DCTD: variants seen among roughly 807,000 people sequenced by gnomAD.
DCTD encodes the protein dCMP deaminase.
In DCTD, 23 loss-of-function variants were observed where a neutral mutation model predicts 21.0. The ratio of observed to expected loss-of-function variants is 1.09; its 90% CI spans 0.79 to 1.55. The LOEUF (loss-of-function observed/expected upper bound fraction) is 1.55. DCTD is among the 40% of genes most tolerant of loss of function. The pLI is 0.00. For missense variants in DCTD, 224 were observed against 230.0 expected (o/e 0.97, Z 0.17); for synonymous variants, 71 against 81.1 (o/e 0.88, Z 0.67).
chr4:182,896,144 C>A (rs976274503), intron 3 of DCTD, among the ~76,000 whole-genome samples: 1 of 152,182 alleles, frequency 6.6e-6, no homozygotes, highest in Non-Finnish European at 1.5e-5. Flanking sequence ...GTGGCCTAAA[C>A]TTATGGCGCT....
chr4:182,892,117 G>A (rs967650958), intron 5 of DCTD, among the ~76,000 whole-genome samples: 2 of 152,064 alleles, frequency 1.3e-5, no homozygotes, highest in African/African-American at 2.4e-5. Context: ...AAGGCACCAC[G>A]GTTGAGTTCA....
At chr4:182,891,957 CTTTTTT>C (rs5864809) in intron 5 of DCTD, among the ~76,000 whole-genome samples, 1 of 130,958 alleles carries the variant, frequency 7.6e-6, no homozygotes, top group Non-Finnish European at 1.6e-5. Flanking sequence ...CATAAACCAA[CTTTTTT>C]TTTTTTTTTT....
At position 182,917,343 on chromosome 4, in the gene DCTD, C is replaced by T. The variant is rs1231504078; in HGVS notation, c.-40G>A. Reference sequence around the variant, plus strand: ...TGCCGGCTCCGCGCGCAGGCCGGTGCTCGTCCCCGCCGCCGCCGTGCTCAG... The same window carrying T: ...TGCCGGCTCCGCGCGCAGGCCGGTGTTCGTCCCCGCCGCCGCCGTGCTCAG... On this transcript the variant is annotated 5_prime_UTR_variant, in exon 1 of 6. Transcript: ENST00000438320. The surrounding 1 kb of genome is among the most constrained non-coding windows in gnomAD (Gnocchi z 4.9). The T allele has an allele frequency of 6.4e-6, 7 of 1,094,304 alleles. No individual in the cohort carries two copies. In the South Asian group the frequency reaches 2.6e-4, roughly 41 times the overall value. 67.8% of individuals were successfully genotyped at this position (1,094,304 alleles called of 1,614,324 possible). A position where few individuals can be genotyped will look rare whatever the true frequency, so the allele number is the denominator to read the frequency against.
rs764778071 is a variant in DCTD, at chr4:182,915,517, A to C, written c.52T>G (p.Tyr18Asp). The C allele has an allele frequency of 9.9e-6, 16 of 1,613,662 alleles. No homozygotes were observed. The highest frequency in any genetic ancestry group is 1.4e-5 in the Non-Finnish European group (16 of 1,179,758). ...KRDDYLEWPE[Y>D]FMAVAFLSAQ... ...GATAAGAAGGCCACAGCCATAAAAT[A>C]CTCTGGCCATTCCAAATAGTCGTCC... Residue 18 changes from tyrosine (Y) to aspartate (D), a missense_variant, in exon 2 of 6, where the codon TAT (tyrosine) becomes GAT (aspartate). Tyr to Asp is a radical substitution (Grantham distance 160, BLOSUM62 -3). Transcript: ENST00000438320.
chr4:182,899,808 C>G (rs954000739), intron 3 of DCTD, among the ~76,000 whole-genome samples: 3 of 152,162 alleles, frequency 2.0e-5, no homozygotes, highest in Non-Finnish European at 4.4e-5. Flanking sequence ...TCTCCCCAGG[C>G]CTTTTCTTTT....
chr4:182,916,757 CGAGGGAAGAGCAGGA>C, intron 1 of DCTD: 2 of 1,103,892 alleles, frequency 1.8e-6, no homozygotes, highest in Non-Finnish European at 2.2e-6. Context: ...CCATGGGGGG[CGAGGGAAGAGCAGGA>C]GAGGGAAGGG....
intron 3 of DCTD, among the ~76,000 whole-genome samples, chr4:182,905,239 C>T (rs183209799): frequency 6.6e-6 from 1 of 152,114 alleles, no homozygotes; most frequent in Admixed American, 6.5e-5. Flanking sequence ...GGCAATATCA[C>T]CTCTGACCTC....
chr4:182,895,012 G>A (rs564076152), intron 3 of DCTD, among the ~76,000 whole-genome samples: 2 of 152,230 alleles, frequency 1.3e-5, no homozygotes, highest in African/African-American at 2.4e-5. Context: ...AACAAGTGAC[G>A]AAGCTGAGCG....
chr4:182,916,041 A>C (rs1292847352), intron 1 of DCTD, among the ~76,000 whole-genome samples: 1 of 152,098 alleles, frequency 6.6e-6, no homozygotes, highest in Non-Finnish European at 1.5e-5. Flanking sequence ...TCTTACACAG[A>C]CTCAGAGAAC....
At chr4:182,908,843 T>C (rs1025318706) in intron 3 of DCTD, among the ~76,000 whole-genome samples, 4 of 152,330 alleles carry the variant, frequency 2.6e-5, no homozygotes, top group South Asian at 2.1e-4. Flanking sequence ...TACTAATTTT[T>C]CAACAAACCT....
At chr4:182,894,754 C>A in intron 3 of DCTD, 149 bp from the exon 4 acceptor site, 1 of 649,716 alleles carries the variant, frequency 1.5e-6, no homozygotes. Flanking sequence ...CCTAAGAATA[C>A]CAAATGAGGC....
chr4:182,896,477 G>A (rs1242831266), intron 3 of DCTD, among the ~76,000 whole-genome samples: 12 of 152,224 alleles, frequency 7.9e-5, no homozygotes, highest in Admixed American at 6.5e-4. Flanking sequence ...AACAAGCTGT[G>A]CTTCACTGAC....
In DCTD at chr4:182,890,962, G is replaced by C. The variant is rs1733637831; in HGVS notation, c.*437C>G. ...GCACTATATGCCATGCTTCACTTGG[G>C]CCAGATGTTCAGATCAGTGTGTCTG... On this transcript the variant is annotated 3_prime_UTR_variant, in exon 6 of 6. Transcript: ENST00000438320. The C allele has an allele frequency of 6.3e-6, 1 of 157,554 alleles. No individual in the cohort carries two copies. The highest frequency in any genetic ancestry group is 1.4e-5 in the Non-Finnish European group (1 of 71,304). The allele number at this position is 157,554 out of a possible 1,614,324, so 9.8% of individuals were successfully genotyped here.
intron 1 of DCTD, chr4:182,916,406 A>T (rs895921137): frequency 2.3e-5 from 23 of 985,404 alleles, no homozygotes; most frequent in Admixed American, 1.2e-4. Flanking sequence ...CAACACAAAA[A>T]CGGGGTGGGT....
Position 182,917,271 on chromosome 4 carries a change from G to A in DCTD, c.-8+40C>T. 1 of 1,030,580 alleles carries A rather than the reference G, an allele frequency of 9.7e-7. No individual in the cohort carries two copies. The highest frequency in any genetic ancestry group is 1.2e-6 in the Non-Finnish European group (1 of 861,226). 63.8% of individuals were successfully genotyped at this position (1,030,580 alleles called of 1,614,324 possible). On this transcript the variant is annotated intron_variant, in intron 1 of 5. Transcript: ENST00000438320. This position sits in a 1 kb window ranked among gnomAD's most constrained non-coding sequence, Gnocchi z 4.9. ...CGGTGCCACGCGGCGGTGGCTAGGG[G>A]CGCGCGGGCCGCGTACCCGCACGGC...
chr4:182,914,829 A>G (rs1738403659), intron 3 of DCTD, 94 bp downstream of exon 3: 1 of 1,420,838 alleles, frequency 7.0e-7, no homozygotes, highest in Admixed American at 1.8e-5. Flanking sequence ...GTTGTTGATG[A>G]CAAAAGGGAG....
At chr4:182,901,703 T>C (rs563735321) in intron 3 of DCTD, among the ~76,000 whole-genome samples, 73 of 152,154 alleles carry the variant, frequency 4.8e-4, no homozygotes, top group South Asian at 1.7e-3. Flanking sequence ...CTCTATTATT[T>C]CTACTGGGTT....
At chr4:182,900,599 A>T (rs1405683110) in intron 3 of DCTD, among the ~76,000 whole-genome samples, 1 of 83,378 alleles carries the variant, frequency 1.2e-5, no homozygotes, top group Admixed American at 1.0e-4. Context: ...TCTAAATTGT[A>T]AAAAAAAAAA....
At chr4:182,912,539 G>A (rs1737890566) in intron 3 of DCTD, among the ~76,000 whole-genome samples, 1 of 152,198 alleles carries the variant, frequency 6.6e-6, no homozygotes, top group Non-Finnish European at 1.5e-5. Context: ...CAGACAACCA[G>A]TGCCCAGGAG....
Sources: gnomAD v4.1 joint callset for allele counts (sites outside exome capture counted in the v4.1 genomes callset) on GRCh38, gnomAD v4.1.1 for gene constraint, Gnocchi (gnomAD v3.1) non-coding constraint, MANE v1.5 for transcripts, NCBI Gene and HGNC (gene_info 2026-07-23, HGNC 2026-07-21) for gene names.